STXBP5L: variants seen among roughly 807,000 people sequenced by gnomAD.
STXBP5L encodes syntaxin-binding protein 5-like.
A neutral mutation model predicts 144.5 loss-of-function variants in STXBP5L; 65 were observed. The observed-to-expected ratio is 0.45, with a 90% CI of 0.37 to 0.55. The LOEUF is 0.55. Ranked by LOEUF, STXBP5L falls within the 20% of genes least tolerant of loss-of-function variation. STXBP5L has a pLI of 0.00. For missense variants in STXBP5L, 1,298 were observed against 1,405.5 expected, an observed-to-expected ratio of 0.92 and a Z score of 1.22; for synonymous variants, 505 against 469.6, an observed-to-expected ratio of 1.08 and a Z score of -0.97.
chr3:121,273,249 C>T (rs543820947), intron 18 of STXBP5L, among the ~76,000 whole-genome samples: 3 of 151,532 alleles, frequency 2.0e-5, no homozygotes, highest in Non-Finnish European at 4.4e-5. Context: ...AAGTATCTCT[C>T]CTTCATTTCT....
At chr3:121,038,813 A>C (rs1182791754) in intron 3 of STXBP5L, among the ~76,000 whole-genome samples, 1 of 151,754 alleles carries the variant, frequency 6.6e-6, no homozygotes, top group Non-Finnish European at 1.5e-5. Context: ...TTTTTTAATA[A>C]TTTAACCCAT....
chr3:121,404,875 C>T (rs537768092), intron 22 of STXBP5L, among the ~76,000 whole-genome samples: 20 of 152,152 alleles, frequency 1.3e-4, no homozygotes, highest in Non-Finnish European at 2.8e-4. Context: ...ATACCACAGA[C>T]TCAGTGGCTT....
chr3:121,326,801 T>C (rs2044162916), intron 20 of STXBP5L, among the ~76,000 whole-genome samples: 1 of 152,136 alleles, frequency 6.6e-6, no homozygotes, highest in Non-Finnish European at 1.5e-5. Flanking sequence ...TGAATATCCA[T>C]GGCCTGAAGA....
intron 3 of STXBP5L, among the ~76,000 whole-genome samples, chr3:120,971,930 T>A (rs2107799353): frequency 6.6e-6 from 1 of 152,132 alleles, no homozygotes; most frequent in South Asian, 2.1e-4. Flanking sequence ...TATCATTCAT[T>A]GATGAGCACT....
intron 10 of STXBP5L, among the ~76,000 whole-genome samples, chr3:121,216,210 T>A (rs975497704): frequency 2.0e-5 from 3 of 152,172 alleles, no homozygotes. Flanking sequence ...TCAAACTCAT[T>A]CTCCATCCAG....
At chr3:121,145,796 C>CA (rs1262157606) in intron 7 of STXBP5L, among the ~76,000 whole-genome samples, 2 of 151,974 alleles carry the variant, frequency 1.3e-5, no homozygotes, top group African/African-American at 4.8e-5. Context: ...AAGGAATACT[C>CA]AGAGAGTTGG....
chr3:120,998,586 T>C (rs1943535741), intron 3 of STXBP5L, among the ~76,000 whole-genome samples: 1 of 152,130 alleles, frequency 6.6e-6, no homozygotes, highest in African/African-American at 2.4e-5. Flanking sequence ...CCTGTGTCCA[T>C]GTGTTCTTAT....
At position 121,155,261 on chromosome 3, in the gene STXBP5L, A is replaced by G. The variant is rs1274067954; in HGVS notation, c.754-2243A>G. ...TCTACACATTCCCCACATTTCAGACATATTACTCACTATCTTCCATATATA... is the reference window on the plus strand; with the variant it reads ...TCTACACATTCCCCACATTTCAGACGTATTACTCACTATCTTCCATATATA... On this transcript the variant is annotated intron_variant, in intron 8 of 26. Transcript: ENST00000471454. Among the ~76,000 whole-genome samples, 7 of 151,816 alleles carry G rather than the reference A, an allele frequency of 4.6e-5. No homozygotes were observed. The East Asian group carries it at 1.4e-3, about 29-fold the overall frequency.
At chr3:121,139,778 G>C (rs747798020) in intron 7 of STXBP5L, among the ~76,000 whole-genome samples, 1 of 151,986 alleles carries the variant, frequency 6.6e-6, no homozygotes, top group African/African-American at 2.4e-5. Context: ...AAAGGAAACC[G>C]TACTTAGTAG....
At chr3:121,356,815 C>T (rs1353159154) in intron 20 of STXBP5L, among the ~76,000 whole-genome samples, 1 of 152,130 alleles carries the variant, frequency 6.6e-6, no homozygotes, top group African/African-American at 2.4e-5. Flanking sequence ...CCTATTTGGC[C>T]ATCTTGGAAC....
At chr3:121,145,627 C>T (rs1382936466) in intron 7 of STXBP5L, among the ~76,000 whole-genome samples, 1 of 151,604 alleles carries the variant, frequency 6.6e-6, no homozygotes, top group East Asian at 1.9e-4. Flanking sequence ...AATAAAGAAC[C>T]ACAAACGTGT....
At chr3:121,325,812 T>A (rs1004854979) in intron 20 of STXBP5L, among the ~76,000 whole-genome samples, 1 of 151,942 alleles carries the variant, frequency 6.6e-6, no homozygotes, top group Non-Finnish European at 1.5e-5. Flanking sequence ...AATCCTTACA[T>A]CTATGTAATA....
chr3:121,329,018 A>G (rs1165602352), intron 20 of STXBP5L, among the ~76,000 whole-genome samples: 2 of 152,008 alleles, frequency 1.3e-5, no homozygotes, highest in Admixed American at 1.3e-4. Flanking sequence ...ATATATATAC[A>G]CACATATATA....
intron 5 of STXBP5L, among the ~76,000 whole-genome samples, chr3:121,092,022 T>C (rs2042830803): frequency 6.6e-6 from 1 of 152,224 alleles, no homozygotes; most frequent in African/African-American, 2.4e-5. Context: ...GCACCGTTTA[T>C]TAAATAGGGA....
chr3:120,997,491 T>C (rs555941247), intron 3 of STXBP5L, among the ~76,000 whole-genome samples: 3 of 152,284 alleles, frequency 2.0e-5, no homozygotes, highest in Admixed American at 2.0e-4. Flanking sequence ...CTGACTGGTA[T>C]GATATATTTT....
chr3:121,341,801 C>T (rs576643605), intron 20 of STXBP5L, among the ~76,000 whole-genome samples: 3 of 151,942 alleles, frequency 2.0e-5, no homozygotes, highest in African/African-American at 7.2e-5. Flanking sequence ...TTCGTGGGAA[C>T]TAAAATTTAA....
rs773655844 is a variant in STXBP5L, at chr3:121,333,479, G to C, written c.2176+14939G>C. On this transcript the variant is annotated intron_variant, in intron 20 of 26. Coordinates refer to ENST00000471454, the MANE Select transcript of STXBP5L (RefSeq NM_001308330.2). ...CAACTAAAAAAACTTAGAGGACCAA[G>C]AGCAAACCAACCCCAAAGCAGAAGA... is the stretch of plus-strand genomic sequence containing the variant. 1.3e-4 allele frequency among the ~76,000 whole-genome samples: 19 copies of C among 151,236 alleles called. 1 individual carries two copies. The highest frequency in any genetic ancestry group is 1.5e-5 in the Non-Finnish European group (1 of 67,872).
At chr3:120,994,948 G>T (rs1026641746) in intron 3 of STXBP5L, among the ~76,000 whole-genome samples, 1 of 151,904 alleles carries the variant, frequency 6.6e-6, no homozygotes, top group East Asian at 1.9e-4. Context: ...ATTCAATCTT[G>T]TTATCCATTA....
intron 9 of STXBP5L, among the ~76,000 whole-genome samples, chr3:121,159,638 T>A (rs1238120328): frequency 6.7e-6 from 1 of 149,450 alleles, no homozygotes; most frequent in Non-Finnish European, 1.5e-5. Flanking sequence ...TTTTTTTTTT[T>A]TTTTTTTTTG....
Sources: gnomAD v4.1 joint callset for allele counts (sites outside exome capture counted in the v4.1 genomes callset) on GRCh38, gnomAD v4.1.1 for gene constraint, MANE v1.5 for transcripts, NCBI Gene and HGNC (gene_info 2026-07-23, HGNC 2026-07-21) for gene names.